MOXD1: variants seen among roughly 807,000 people sequenced by gnomAD.
MOXD1 encodes monooxygenase DBH like 1.
A neutral mutation model predicts 66.6 loss-of-function variants in MOXD1; 62 were observed. The ratio of observed to expected loss-of-function variants is 0.93; its 90% CI spans 0.76 to 1.15. The LOEUF (loss-of-function observed/expected upper bound fraction) is 1.15, where lower values mean the gene tolerates loss of function less well. Among genes scored for constraint, MOXD1 ranks in the 50% most tolerant of loss-of-function variants. The pLI is 0.00. For missense variants in MOXD1, 847 were observed against 754.6 expected (o/e 1.12, Z -1.44); for synonymous variants, 303 against 281.9 (o/e 1.07, Z -0.75).
chr6:132,297,375 C>G, intron 11 of MOXD1, 58 bp from the exon 12 acceptor site: 1 of 1,554,508 alleles, frequency 6.4e-7, no homozygotes, highest in Admixed American at 1.7e-5. Context: ...AGCACAGTGA[C>G]CAGGCCGCTC....
chr6:132,305,801 GCAA>G (rs573260103), intron 10 of MOXD1, among the ~76,000 whole-genome samples: 155 of 152,278 alleles, frequency 1.0e-3, no homozygotes, highest in Non-Finnish European at 1.9e-3. Flanking sequence ...CAAGCAGGAA[GCAA>G]CAACAACAGC....
At chr6:132,355,958 C>T (rs923215806) in intron 4 of MOXD1, among the ~76,000 whole-genome samples, 2 of 152,144 alleles carry the variant, frequency 1.3e-5, no homozygotes, top group East Asian at 3.8e-4. Flanking sequence ...ACTTGCACAT[C>T]CCGTTCGGCA....
At chr6:132,355,804 CTTAT>C (rs1342815008) in intron 4 of MOXD1, among the ~76,000 whole-genome samples, 6 of 152,114 alleles carry the variant, frequency 3.9e-5, no homozygotes, top group African/African-American at 1.4e-4. Context: ...TCATTTAAAG[CTTAT>C]TTAAAGTTGT....
intron 4 of MOXD1, among the ~76,000 whole-genome samples, chr6:132,357,514 G>A (rs1775931734): frequency 6.6e-6 from 1 of 151,944 alleles, no homozygotes. Flanking sequence ...AGGAAAGATA[G>A]TAAAAGTAAT....
chr6:132,383,081 T>C (rs1776543838), intron 1 of MOXD1, among the ~76,000 whole-genome samples: 3 of 152,230 alleles, frequency 2.0e-5, no homozygotes, highest in Admixed American at 2.0e-4. Context: ...TTACCATCTG[T>C]CATCATTTTC....
intron 1 of MOXD1, among the ~76,000 whole-genome samples, chr6:132,396,701 A>G (rs988284108): frequency 7.2e-5 from 11 of 152,338 alleles, no homozygotes; most frequent in African/African-American, 2.6e-4. Flanking sequence ...AGTATAACTG[A>G]TATCAAAGAA....
intron 4 of MOXD1, among the ~76,000 whole-genome samples, chr6:132,356,185 G>C (rs1388022463): frequency 2.6e-5 from 4 of 152,142 alleles, no homozygotes; most frequent in African/African-American, 9.7e-5. Flanking sequence ...AAAATTCAAT[G>C]AGTTTTATAC....
At chr6:132,306,629 A>G (rs1582559738) in intron 10 of MOXD1, among the ~76,000 whole-genome samples, 2 of 152,332 alleles carry the variant, frequency 1.3e-5, no homozygotes, top group Admixed American at 6.5e-5. Context: ...CAGGTCACCT[A>G]CAAAGGGAAG....
At chr6:132,316,228 TG>T (rs992189902) in intron 9 of MOXD1, among the ~76,000 whole-genome samples, 1 of 152,132 alleles carries the variant, frequency 6.6e-6, no homozygotes, top group Non-Finnish European at 1.5e-5. Flanking sequence ...TACTAAAATT[TG>T]GAAAAAGATT....
chr6:132,318,927 C>T (rs946773448), intron 9 of MOXD1, among the ~76,000 whole-genome samples: 8 of 151,932 alleles, frequency 5.3e-5, no homozygotes, highest in Admixed American at 5.2e-4. Flanking sequence ...TATCCTTTTC[C>T]ATTTATCTAA....
chr6:132,328,637 C>G, intron 4 of MOXD1, 43 bp from the exon 5 acceptor site: 1 of 1,553,096 alleles, frequency 6.4e-7, no homozygotes, highest in Non-Finnish European at 8.8e-7. Context: ...TAAATAAGAC[C>G]ACCCTACAAC....
At chr6:132,337,296 G>T (rs1775460415) in intron 4 of MOXD1, among the ~76,000 whole-genome samples, 1 of 152,176 alleles carries the variant, frequency 6.6e-6, no homozygotes, top group African/African-American at 2.4e-5. Context: ...TCATTAATAT[G>T]TATGTGCAAT....
At chr6:132,321,845 A>G (rs939554535) in intron 8 of MOXD1, among the ~76,000 whole-genome samples, 1 of 152,220 alleles carries the variant, frequency 6.6e-6, no homozygotes, top group African/African-American at 2.4e-5. Flanking sequence ...ATCCAAAGCT[A>G]TGGATTTAAG....
chr6:132,322,625 A>C, intron 8 of MOXD1, 54 bp downstream of exon 8: 1 of 1,546,574 alleles, frequency 6.5e-7, no homozygotes. Context: ...ATCTCAGCAG[A>C]TATGTCTCAT....
intron 4 of MOXD1, among the ~76,000 whole-genome samples, chr6:132,349,466 CATATATATATATATACATATAT>C (rs1562290120): frequency 0.051 from 614 of 12,128 alleles, 39 homozygotes; most frequent in Non-Finnish European, 0.052. Flanking sequence ...TATATATATA[CATATATATATATATACATATAT>C]ATATATACCA....
intron 1 of MOXD1, among the ~76,000 whole-genome samples, chr6:132,389,002 C>T (rs1441731217): frequency 6.6e-6 from 1 of 151,186 alleles, no homozygotes; most frequent in Non-Finnish European, 1.5e-5. Context: ...CACACCTCTA[C>T]CCTCAGTTCA....
intron 1 of MOXD1, among the ~76,000 whole-genome samples, chr6:132,395,264 T>A (rs1413709974): frequency 6.6e-6 from 1 of 152,094 alleles, no homozygotes; most frequent in Non-Finnish European, 1.5e-5. Flanking sequence ...GCTGAGGGAA[T>A]TTATCACCAC....
At position 132,391,221 on chromosome 6, in the gene MOXD1, A is replaced by G. The variant is rs570651941; in HGVS notation, c.264+9942T>C. On this transcript the variant is annotated intron_variant, in intron 1 of 11. Transcript: ENST00000367963. Reference sequence around the variant, plus strand: ...AGTAAATATGCAAAAATCAATATTTAGCTCATAAAAGAAAGAATGGCGTCA... The same window carrying G: ...AGTAAATATGCAAAAATCAATATTTGGCTCATAAAAGAAAGAATGGCGTCA... The G allele has an allele frequency of 3.3e-5, 5 of 150,174 alleles. No individual in the cohort carries two copies. The South Asian group carries it at 1.1e-3, about 33-fold the overall frequency. 9.3% of individuals were successfully genotyped at this position (150,174 alleles called of 1,614,324 possible). A position where few individuals can be genotyped will look rare whatever the true frequency, so the allele number is the denominator to read the frequency against.
At chr6:132,333,388 TA>T (rs1775368293) in intron 4 of MOXD1, among the ~76,000 whole-genome samples, 1 of 126,774 alleles carries the variant, frequency 7.9e-6, no homozygotes, top group Admixed American at 7.9e-5. Context: ...GAGTAGCATT[TA>T]AAAAGTGTTC....
Sources: allele counts gnomAD v4.1 joint callset (sites outside exome capture counted in the v4.1 genomes callset), GRCh38; gene constraint gnomAD v4.1.1; transcripts MANE v1.5; gene names NCBI Gene and HGNC (gene_info 2026-07-23, HGNC 2026-07-21).